Variants in CTNND2 observed in about 807,000 individuals in gnomAD.
CTNND2 encodes the protein catenin delta-2.
A neutral mutation model predicts 144.4 loss-of-function variants in CTNND2; 22 were observed. The ratio of observed to expected loss-of-function variants is 0.15; its 90% CI spans 0.11 to 0.22. CTNND2 has a LOEUF of 0.22. CTNND2 is among the 10% of genes least tolerant of loss of function. The probability of loss-of-function intolerance (pLI) is 1.00; values close to 1 mark genes in which losing one functional copy is unlikely to be tolerated. For missense variants in CTNND2, 1,353 were observed against 1,618.8 expected (o/e 0.84, Z 2.82); for synonymous variants, 751 against 695.6 (o/e 1.08, Z -1.25).
intron 2 of CTNND2, among the ~76,000 whole-genome samples, chr5:11,681,628 T>C (rs1250661228): frequency 6.6e-6 from 1 of 152,240 alleles, no homozygotes; most frequent in African/African-American, 2.4e-5. Flanking sequence ...TAAAGATCCA[T>C]TTATTTGTAT....
chr5:11,737,649 C>T (rs952946666), intron 1 of CTNND2, among the ~76,000 whole-genome samples: 2 of 152,136 alleles, frequency 1.3e-5, no homozygotes, highest in Admixed American at 1.3e-4. Flanking sequence ...AACTGTGTTC[C>T]CCAAATTCAT....
chr5:11,457,671 C>T (rs542823236), intron 3 of CTNND2, among the ~76,000 whole-genome samples: 1 of 152,302 alleles, frequency 6.6e-6, no homozygotes, highest in African/African-American at 2.4e-5. Context: ...CTGGATTATT[C>T]TCCAAAGGCA....
intron 7 of CTNND2, among the ~76,000 whole-genome samples, chr5:11,375,663 T>C (rs567845944): frequency 6.6e-6 from 1 of 152,146 alleles, no homozygotes; most frequent in Non-Finnish European, 1.5e-5. Flanking sequence ...ATGAAACCAA[T>C]CTATAGCCAA....
intron 18 of CTNND2, among the ~76,000 whole-genome samples, chr5:11,004,015 A>G (rs1740221673): frequency 6.6e-6 from 1 of 152,248 alleles, no homozygotes; most frequent in East Asian, 1.9e-4. Context: ...ATTCTAAAGA[A>G]CCAGTGTAAC....
intron 2 of CTNND2, among the ~76,000 whole-genome samples, chr5:11,718,762 T>A (rs147659327): frequency 6.6e-6 from 1 of 152,308 alleles, no homozygotes; most frequent in East Asian, 1.9e-4. Context: ...GACCATCTCA[T>A]GTAATAATCT....
chr5:11,832,218 G>A (rs1793943915), intron 1 of CTNND2, among the ~76,000 whole-genome samples: 1 of 152,136 alleles, frequency 6.6e-6, no homozygotes, highest in African/African-American at 2.4e-5. Flanking sequence ...CGGAGGCGGA[G>A]CTTGCAGTGA....
intron 2 of CTNND2, among the ~76,000 whole-genome samples, chr5:11,571,244 T>G (rs1390148575): frequency 6.6e-6 from 1 of 152,166 alleles, no homozygotes; most frequent in Non-Finnish European, 1.5e-5. Context: ...CCTGGCAGTC[T>G]GCTCATATGT....
At chr5:11,474,935 G>C (rs996462865) in intron 3 of CTNND2, among the ~76,000 whole-genome samples, 2 of 152,152 alleles carry the variant, frequency 1.3e-5, no homozygotes, top group African/African-American at 4.8e-5. Flanking sequence ...CCATACTTCT[G>C]TGACATGTCA....
rs1554012680 is a variant in CTNND2, at chr5:11,250,514, CAT to C, written c.1629-13693_1629-13692del. On this transcript the variant is annotated intron_variant, in intron 9 of 21. Coordinates refer to ENST00000304623, the MANE Select transcript of CTNND2 (RefSeq NM_001332.4). The stretch of plus-strand genomic sequence containing the variant: ...CTCTATATATATATATATATATATA[CAT>C]ATATTTTTTTTTTTTTTTAGAGACA... Among the ~76,000 whole-genome samples, 169 of 49,364 alleles carry C rather than the reference CAT, an allele frequency of 3.4e-3. 1 individual carries two copies. Among genetic ancestry groups the C allele is most frequent in the African/African-American group, 0.012 (144 of 12,092 alleles). The allele number at this position is 49,364 out of a possible 152,430, so 32.4% of individuals were successfully genotyped here.
At chr5:11,299,163 G>C (rs767147351) in intron 9 of CTNND2, among the ~76,000 whole-genome samples, 1 of 152,094 alleles carries the variant, frequency 6.6e-6, no homozygotes, top group Non-Finnish European at 1.5e-5. Flanking sequence ...CTTAACTTTA[G>C]TGAGGATCTG....
At chr5:11,429,944 T>G (rs1763128359) in intron 3 of CTNND2, among the ~76,000 whole-genome samples, 1 of 152,122 alleles carries the variant, frequency 6.6e-6, no homozygotes, top group Non-Finnish European at 1.5e-5. Context: ...GAGTTAATCT[T>G]CATTTTCACT....
intron 3 of CTNND2, among the ~76,000 whole-genome samples, chr5:11,491,521 C>G (rs1769387621): frequency 6.6e-6 from 1 of 152,182 alleles, no homozygotes. Context: ...AGGGGCACAG[C>G]TGGGATTCCA....
At position 11,178,847 on chromosome 5, in the gene CTNND2, G is replaced by A. The variant is rs558324139; in HGVS notation, c.1976-19088C>T. On this transcript the variant is annotated intron_variant, in intron 11 of 21. Transcript: ENST00000304623. ...GGAAGACATATACAATACATTCTTC[G>A]CCTTATATTGAAATTTAACTCTTAG... 4.6e-5 allele frequency among the ~76,000 whole-genome samples: 7 copies of A among 152,046 alleles called. No homozygotes were observed. In the East Asian group the frequency reaches 5.8e-4, roughly 13 times the overall value.
chr5:11,308,385 G>C (rs1292541498), intron 9 of CTNND2, among the ~76,000 whole-genome samples: 3 of 152,176 alleles, frequency 2.0e-5, no homozygotes, highest in African/African-American at 7.2e-5. Flanking sequence ...AGCCAGCTCT[G>C]CTGTTACAGT....
intron 1 of CTNND2, among the ~76,000 whole-genome samples, chr5:11,760,307 C>T (rs1406138257): frequency 6.6e-6 from 1 of 152,016 alleles, no homozygotes; most frequent in Non-Finnish European, 1.5e-5. Flanking sequence ...CACCTGTGGT[C>T]ATCTATCTAC....
At chr5:11,396,171 G>T (rs1760110361) in intron 6 of CTNND2, among the ~76,000 whole-genome samples, 2 of 152,176 alleles carry the variant, frequency 1.3e-5, no homozygotes, top group African/African-American at 4.8e-5. Flanking sequence ...GGGGCTTGCA[G>T]TTCTTCATTC....
At chr5:11,102,807 C>T (rs1250638678) in intron 14 of CTNND2, among the ~76,000 whole-genome samples, 1 of 151,864 alleles carries the variant, frequency 6.6e-6, no homozygotes, top group South Asian at 2.1e-4. Context: ...ACAGAGCATA[C>T]ATAATGGCCC....
intron 8 of CTNND2, among the ~76,000 whole-genome samples, chr5:11,349,137 T>C (rs924211918): frequency 1.3e-5 from 2 of 152,180 alleles, no homozygotes; most frequent in East Asian, 1.9e-4. Flanking sequence ...GGGATCATTG[T>C]TTAATTTCAA....
At chr5:10,992,219 A>T (rs1312284893) in intron 19 of CTNND2, among the ~76,000 whole-genome samples, 2 of 152,198 alleles carry the variant, frequency 1.3e-5, no homozygotes, top group South Asian at 4.1e-4. Flanking sequence ...CGCCAGGCCA[A>T]CTCAAACTAT....
Sources: gnomAD v4.1 joint callset for allele counts (sites outside exome capture counted in the v4.1 genomes callset) on GRCh38, gnomAD v4.1.1 for gene constraint, MANE v1.5 for transcripts, NCBI Gene and HGNC (gene_info 2026-07-23, HGNC 2026-07-21) for gene names.